RIMBP2: variants seen among roughly 807,000 people sequenced by gnomAD.
RIMBP2 encodes RIMS binding protein 2, also known as RIMS-binding protein 2.
Under a neutral mutation model 118.6 loss-of-function variants are expected in RIMBP2, and 48 were observed. The ratio of observed to expected loss-of-function variants is 0.40; its 90% confidence interval spans 0.32 to 0.51. The LOEUF (loss-of-function observed/expected upper bound fraction) is 0.51, where lower values mean the gene tolerates loss of function less well. Ranked by LOEUF, RIMBP2 falls within the 20% of genes least tolerant of loss-of-function variation. RIMBP2 has a pLI of 0.41. For synonymous variants in RIMBP2, 762 were observed against 742.9 expected, an observed-to-expected ratio of 1.03 and a Z score of -0.42; for missense variants, 1,551 against 1,768.3, an observed-to-expected ratio of 0.88 and a Z score of 2.20.
rs1407661821 is a variant in RIMBP2, at chr12:130,617,448, G to A, written c.-217+10874C>T. Among the ~76,000 whole-genome samples the A allele has an allele frequency of 6.6e-6, 1 of 152,232 alleles. No homozygotes were observed. ...CACACATTGCCCTGGGGCACCAGCT[G>A]AGAGTTCAGTCAATGCTGTGGCCCC... On this transcript the variant is annotated intron_variant, in intron 2 of 22. Transcript: ENST00000690449. The surrounding 1 kb of genome is among the most constrained non-coding windows in gnomAD (Gnocchi z 4.6).
chr12:130,501,256 T>C (rs568977683), intron 4 of RIMBP2, among the ~76,000 whole-genome samples: 1 of 152,240 alleles, frequency 6.6e-6, no homozygotes, highest in African/African-American at 2.4e-5. Context: ...CATCAGGACA[T>C]GGCTCCCAGT....
At chr12:130,641,620 A>G (rs1051281194) in intron 1 of RIMBP2, among the ~76,000 whole-genome samples, 3 of 152,220 alleles carry the variant, frequency 2.0e-5, no homozygotes, top group Non-Finnish European at 4.4e-5. Context: ...AGAGCCCCTC[A>G]TTAGTGCCTG....
In RIMBP2 at chr12:130,434,986, A is replaced by C. The variant is rs1593281253; in HGVS notation, c.2107-106T>G. ...TCAGCCCCTCAGAGCCTGGCCAGGC[A>C]CCCCCCACACAGTGCTTTGGGCCCA... On this transcript the variant is annotated intron_variant, in intron 13 of 22. Transcript: ENST00000690449. The surrounding 1 kb of genome is among the most constrained non-coding windows in gnomAD (Gnocchi z 5.7). The C allele has an allele frequency of 8.3e-7, 1 of 1,197,962 alleles. No homozygotes were observed. Among genetic ancestry groups the C allele is most frequent in the Non-Finnish European group, 1.1e-6 (1 of 871,512 alleles). The allele number at this position is 1,197,962 out of a possible 1,614,324, so 74.2% of individuals were successfully genotyped here. A position where few individuals can be genotyped will look rare whatever the true frequency, so the allele number is the denominator to read the frequency against.
chr12:130,577,818 C>T (rs1438051997), intron 2 of RIMBP2, among the ~76,000 whole-genome samples: 1 of 152,156 alleles, frequency 6.6e-6, no homozygotes, highest in Non-Finnish European at 1.5e-5. Flanking sequence ...CCCTCCCCAC[C>T]CGCCAACCCT....
chr12:130,660,898 G>T (rs2063631499), intron 1 of RIMBP2, among the ~76,000 whole-genome samples: 1 of 152,142 alleles, frequency 6.6e-6, no homozygotes, highest in South Asian at 2.1e-4. Flanking sequence ...CCACCCACCT[G>T]CCCTCTACAA....
At chr12:130,679,080 T>TA (rs201862208) in intron 1 of RIMBP2, among the ~76,000 whole-genome samples, 3,336 of 152,170 alleles carry the variant, frequency 0.022, 114 homozygotes, top group African/African-American at 0.076. Flanking sequence ...TCAATATAAA[T>TA]AAAAAAAGAC....
chr12:130,700,235 C>T (rs1433646451), intron 1 of RIMBP2, among the ~76,000 whole-genome samples: 1 of 152,102 alleles, frequency 6.6e-6, no homozygotes, highest in Admixed American at 6.5e-5. Context: ...CCCACACAGC[C>T]CCAGGCCCGC....
rs1050535227 is a variant in RIMBP2, at chr12:130,525,304, C to T, written c.-216-7387G>A. ...AGCCAAGCAGCATTGCGGGCATCTC[C>T]GTGACCTCCAGGAGAGGCTCTGGTG... On this transcript the variant is annotated intron_variant, in intron 2 of 22. Coordinates refer to ENST00000690449, the MANE Select transcript of RIMBP2 (RefSeq NM_001393629.1). This position sits in a 1 kb window ranked among gnomAD's most constrained non-coding sequence, Gnocchi z 4.4. Among the ~76,000 whole-genome samples the T allele has an allele frequency of 2.0e-5, 3 of 152,188 alleles. No individual in the cohort carries two copies. The highest frequency in any genetic ancestry group is 2.9e-5 in the Non-Finnish European group (2 of 68,034).
At chr12:130,539,335 G>C (rs1450630584) in intron 2 of RIMBP2, among the ~76,000 whole-genome samples, 1 of 152,166 alleles carries the variant, frequency 6.6e-6, no homozygotes, top group African/African-American at 2.4e-5. Flanking sequence ...ATGGGATGTA[G>C]GAATATGAAG....
chr12:130,533,673 G>A (rs1460207973), intron 2 of RIMBP2, among the ~76,000 whole-genome samples: 1 of 152,152 alleles, frequency 6.6e-6, no homozygotes, highest in Non-Finnish European at 1.5e-5. Flanking sequence ...GTCCATCAGT[G>A]GATAATTGGA....
chr12:130,557,431 A>C (rs2056457381), intron 2 of RIMBP2, among the ~76,000 whole-genome samples: 1 of 152,218 alleles, frequency 6.6e-6, no homozygotes, highest in South Asian at 2.1e-4. Flanking sequence ...GCCTGCCCTC[A>C]GCCATGCGAG....
intron 6 of RIMBP2, among the ~76,000 whole-genome samples, chr12:130,468,683 T>C (rs1383463919): frequency 2.6e-5 from 4 of 151,964 alleles, no homozygotes; most frequent in Non-Finnish European, 4.4e-5. Flanking sequence ...GAACGGAAGG[T>C]TGTGAGGCTC....
chr12:130,531,714 T>C (rs565876661), intron 2 of RIMBP2, among the ~76,000 whole-genome samples: 1 of 152,354 alleles, frequency 6.6e-6, no homozygotes, highest in East Asian at 1.9e-4. Context: ...TGCAGAGGTA[T>C]GAACAGAGCA....
chr12:130,686,101 C>T (rs1490662483), intron 1 of RIMBP2, among the ~76,000 whole-genome samples: 2 of 152,188 alleles, frequency 1.3e-5, no homozygotes, highest in African/African-American at 4.8e-5. Flanking sequence ...TGGTTTTCTC[C>T]TCCCTTTAAA....
intron 3 of RIMBP2, among the ~76,000 whole-genome samples, chr12:130,515,098 A>C (rs562948799): frequency 6.6e-6 from 1 of 152,036 alleles, no homozygotes; most frequent in Non-Finnish European, 1.5e-5. Flanking sequence ...GGATGGTCTC[A>C]ATCTCCTGAC....
intron 2 of RIMBP2, among the ~76,000 whole-genome samples, chr12:130,610,982 C>T (rs77067456): frequency 0.088 from 13,424 of 152,276 alleles, 708 homozygotes; most frequent in Non-Finnish European, 0.12. Flanking sequence ...TCCGAGTTCC[C>T]TCATTTCTAA....
chr12:130,544,797 T>C (rs2054956494), intron 2 of RIMBP2, among the ~76,000 whole-genome samples: 1 of 152,000 alleles, frequency 6.6e-6, no homozygotes, highest in Non-Finnish European at 1.5e-5. Flanking sequence ...TTCACCATGT[T>C]ACCCAAGCTA....
chr12:130,487,828 A>G (rs1487777453), intron 4 of RIMBP2, among the ~76,000 whole-genome samples: 2 of 152,110 alleles, frequency 1.3e-5, no homozygotes, highest in African/African-American at 4.8e-5. Context: ...GGCAGAATCA[A>G]TGACAGCAAA....
At chr12:130,517,799 G>A (rs570296818) in intron 3 of RIMBP2, 29 bp downstream of exon 3, 4 of 950,052 alleles carry the variant, frequency 4.2e-6, no homozygotes, top group Non-Finnish European at 5.0e-6. Context: ...CAGGGCCCCA[G>A]ATGGTCTGTG....
Sources: gnomAD v4.1 joint callset for allele counts (sites outside exome capture counted in the v4.1 genomes callset) on GRCh38, gnomAD v4.1.1 for gene constraint, Gnocchi (gnomAD v3.1) non-coding constraint, MANE v1.5 for transcripts, NCBI Gene and HGNC (gene_info 2026-07-23, HGNC 2026-07-21) for gene names.